FBXL7: variants seen among roughly 807,000 people sequenced by gnomAD.
The protein encoded by FBXL7 is F-box and leucine rich repeat protein 7.
In FBXL7, 12 loss-of-function variants were observed where a neutral mutation model predicts 38.3. That is an observed-to-expected ratio of 0.31 (90% CI 0.20 to 0.51). The LOEUF (loss-of-function observed/expected upper bound fraction) is 0.51. Ranked by LOEUF, FBXL7 falls within the 20% of genes least tolerant of loss-of-function variation. The pLI is 0.98. For synonymous variants in FBXL7, 297 were observed against 300.9 expected (o/e 0.99, Z 0.13); for missense variants, 567 against 676.4 (o/e 0.84, Z 1.79).
At chr5:15,848,287 CTTAA>C (rs1288321209) in intron 2 of FBXL7, among the ~76,000 whole-genome samples, 2 of 151,536 alleles carry the variant, frequency 1.3e-5, no homozygotes, top group African/African-American at 2.4e-5. Flanking sequence ...ACCTCAATTA[CTTAA>C]TTCTACCTTT....
At chr5:15,831,145 C>T (rs758862711) in intron 2 of FBXL7, among the ~76,000 whole-genome samples, 2 of 152,204 alleles carry the variant, frequency 1.3e-5, no homozygotes, top group Admixed American at 6.5e-5. Context: ...GGGACTGCAG[C>T]AGTCTTCTCA....
At chr5:15,623,258 T>C (rs1040084376) in intron 2 of FBXL7, among the ~76,000 whole-genome samples, 5 of 152,182 alleles carry the variant, frequency 3.3e-5, no homozygotes, top group Non-Finnish European at 5.9e-5. Flanking sequence ...GCCCCGTAGG[T>C]AAAAGATTCT....
intron 2 of FBXL7, among the ~76,000 whole-genome samples, chr5:15,890,152 T>A (rs1235087024): frequency 1.3e-5 from 2 of 152,046 alleles, no homozygotes; most frequent in African/African-American, 4.8e-5. Flanking sequence ...CTGTGGCCAG[T>A]TAGGAACTGG....
intron 2 of FBXL7, among the ~76,000 whole-genome samples, chr5:15,676,845 A>G (rs1426246434): frequency 1.3e-5 from 2 of 152,228 alleles, no homozygotes; most frequent in Admixed American, 6.5e-5. Context: ...AATGTTCCAT[A>G]TGTTAAATCC....
At chr5:15,732,671 A>G (rs957641634) in intron 2 of FBXL7, among the ~76,000 whole-genome samples, 2 of 152,248 alleles carry the variant, frequency 1.3e-5, no homozygotes, top group Admixed American at 6.5e-5. Context: ...TACGATCTAT[A>G]GAAGCCCCAC....
chr5:15,566,502 A>G (rs1738576612), intron 1 of FBXL7, among the ~76,000 whole-genome samples: 1 of 152,144 alleles, frequency 6.6e-6, no homozygotes, highest in Non-Finnish European at 1.5e-5. Flanking sequence ...TGTGCAGTGC[A>G]CTGAGCTAGG....
chr5:15,901,181 G>A (rs1741224629), intron 2 of FBXL7, among the ~76,000 whole-genome samples: 1 of 152,164 alleles, frequency 6.6e-6, no homozygotes, highest in Non-Finnish European at 1.5e-5. Context: ...CAGACTAGAT[G>A]GCTTATAAAC....
chr5:15,521,985 A>G (rs987393082), intron 1 of FBXL7, among the ~76,000 whole-genome samples: 3 of 152,258 alleles, frequency 2.0e-5, no homozygotes, highest in Non-Finnish European at 4.4e-5. Context: ...TCATCCAAAA[A>G]TGGAGGCTGG....
chr5:15,540,884 C>A (rs1737720859), intron 1 of FBXL7, among the ~76,000 whole-genome samples: 1 of 152,054 alleles, frequency 6.6e-6, no homozygotes, highest in South Asian at 2.1e-4. Context: ...TCCTAGGGAC[C>A]CCATCTCCTG....
intron 2 of FBXL7, among the ~76,000 whole-genome samples, chr5:15,658,128 TG>T (rs1180684840): frequency 6.6e-6 from 1 of 152,148 alleles, no homozygotes; most frequent in African/African-American, 2.4e-5. Flanking sequence ...GGAATGACAC[TG>T]GGGGTTTGGA....
chr5:15,594,181 C>T (rs897490602), intron 1 of FBXL7, among the ~76,000 whole-genome samples: 2 of 152,108 alleles, frequency 1.3e-5, no homozygotes. Context: ...CTACACCATG[C>T]AATGAAAGGG....
chr5:15,817,747 C>A (rs257746), intron 2 of FBXL7, among the ~76,000 whole-genome samples: 1 of 151,972 alleles, frequency 6.6e-6, no homozygotes, highest in South Asian at 2.1e-4. Context: ...CTTCACCTTT[C>A]GCCATGATTG....
At chr5:15,677,940 T>C (rs954865788) in intron 2 of FBXL7, among the ~76,000 whole-genome samples, 2 of 152,192 alleles carry the variant, frequency 1.3e-5, no homozygotes, top group Admixed American at 1.3e-4. Context: ...ACCTTTCACC[T>C]TCCTAAGAAA....
chr5:15,531,087 A>G (rs960150689), intron 1 of FBXL7, among the ~76,000 whole-genome samples: 8 of 152,204 alleles, frequency 5.3e-5, no homozygotes, highest in African/African-American at 1.9e-4. Flanking sequence ...AAATATTATC[A>G]AGAGCTATCC....
intron 1 of FBXL7, among the ~76,000 whole-genome samples, chr5:15,528,950 C>T (rs906580132): frequency 6.6e-6 from 1 of 151,832 alleles, no homozygotes; most frequent in Non-Finnish European, 1.5e-5. Context: ...ATAAAATCTA[C>T]TCTCTTAGCA....
chr5:15,819,270 TAGGTG>T, intron 2 of FBXL7, among the ~76,000 whole-genome samples: 3 of 152,088 alleles, frequency 2.0e-5, no homozygotes, highest in African/African-American at 7.2e-5. Context: ...TCCTGTAAGA[TAGGTG>T]AATAATTTTA....
chr5:15,577,230 C>A (rs571307719), intron 1 of FBXL7, among the ~76,000 whole-genome samples: 2 of 152,160 alleles, frequency 1.3e-5, no homozygotes, highest in African/African-American at 4.8e-5. Flanking sequence ...TCTGGGTCAG[C>A]GTGGCCTCTG....
rs146045016 is a variant in FBXL7, at chr5:15,865,518, A to G, written c.128-62372A>G. ...CTGCACTGCATAATGCTGCCTCTCC[A>G]TCACACTTCACAGACCCACGGATGA... On this transcript the variant is annotated intron_variant, in intron 2 of 3. Coordinates refer to ENST00000504595, the MANE Select transcript of FBXL7 (RefSeq NM_012304.5). Among the ~76,000 whole-genome samples the G allele has an allele frequency of 2.7e-3, 404 of 152,240 alleles. 2 individuals carry two copies. The highest frequency in any genetic ancestry group is 0.01 in the Middle Eastern group (3 of 294).
chr5:15,926,604 G>A (rs1047116204), intron 2 of FBXL7, among the ~76,000 whole-genome samples: 3 of 152,004 alleles, frequency 2.0e-5, no homozygotes, highest in African/African-American at 7.2e-5. Flanking sequence ...TCTTGAAGTG[G>A]CATTCTAAAG....
Sources: gnomAD v4.1 joint callset for allele counts (sites outside exome capture counted in the v4.1 genomes callset) on GRCh38, gnomAD v4.1.1 for gene constraint, MANE v1.5 for transcripts, NCBI Gene and HGNC (gene_info 2026-07-23, HGNC 2026-07-21) for gene names.